The following ERBB4 variants were observed in gnomAD, a reference collection of about 807,000 sequenced individuals.
ERBB4 encodes erb-b2 receptor tyrosine kinase 4.
In ERBB4, 42 loss-of-function variants were observed where a neutral mutation model predicts 158.0. That is an observed-to-expected ratio of 0.27 (90% CI 0.21 to 0.34). The LOEUF (loss-of-function observed/expected upper bound fraction) is 0.34, where lower values mean the gene tolerates loss of function less well. Among genes scored for constraint, ERBB4 ranks in the 10% least tolerant of loss-of-function variants. ERBB4 has a pLI of 1.00. For missense variants in ERBB4, 1,333 were observed against 1,624.1 expected, an observed-to-expected ratio of 0.82 and a Z score of 3.08; for synonymous variants, 583 against 558.7, an observed-to-expected ratio of 1.04 and a Z score of -0.61.
chr2:211,820,311 C>T (rs1316267527), intron 3 of ERBB4, among the ~76,000 whole-genome samples: 1 of 151,700 alleles, frequency 6.6e-6, no homozygotes, highest in Admixed American at 6.6e-5. Flanking sequence ...CAACTATATG[C>T]CAATAAATTT....
rs59741173 is a variant in ERBB4 at position 211,944,177 on chromosome 2, CTATA to C, written c.421+3249_421+3252del. On this transcript the variant is annotated intron_variant, in intron 3 of 27. Transcript: ENST00000342788. ...TATATATATACACTATATATATATA[CTATA>C]TATATATATATATATATACTATATA... Among the ~76,000 whole-genome samples the C allele has an allele frequency of 6.8e-3, 262 of 38,568 alleles. 4 individuals carry two copies. The highest frequency in any genetic ancestry group is 0.019 in the Middle Eastern group (2 of 108). The allele number at this position is 38,568 out of a possible 152,430, so 25.3% of individuals were successfully genotyped here.
intron 20 of ERBB4, among the ~76,000 whole-genome samples, chr2:211,554,518 G>A (rs906391452): frequency 1.3e-5 from 2 of 152,214 alleles, no homozygotes; most frequent in African/African-American, 2.4e-5. Flanking sequence ...AGGGCCTGCA[G>A]GTACAGGCAG....
intron 1 of ERBB4, among the ~76,000 whole-genome samples, chr2:212,296,909 T>C (rs1300317241): frequency 6.6e-6 from 1 of 151,908 alleles, no homozygotes. Flanking sequence ...AGACTCTCCT[T>C]CATGATTTCA....
intron 2 of ERBB4, among the ~76,000 whole-genome samples, chr2:212,056,004 C>A (rs2077554861): frequency 6.6e-6 from 1 of 152,116 alleles, no homozygotes; most frequent in African/African-American, 2.4e-5. Context: ...AGTCTGAACC[C>A]ATCGCAAAGA....
chr2:212,517,901 GTTA>G (rs981444832), intron 1 of ERBB4, among the ~76,000 whole-genome samples: 45 of 152,054 alleles, frequency 3.0e-4, no homozygotes, highest in African/African-American at 1.1e-3. Flanking sequence ...GAGCAACCTT[GTTA>G]TTATAAGAAT....
intron 2 of ERBB4, among the ~76,000 whole-genome samples, chr2:211,969,868 G>A (rs533882072): frequency 1.3e-5 from 2 of 151,796 alleles, no homozygotes; most frequent in South Asian, 2.1e-4. Context: ...TTTTATGAAT[G>A]TTTTTCATGT....
chr2:211,756,226 G>A (rs905363282), intron 4 of ERBB4, among the ~76,000 whole-genome samples: 1 of 152,050 alleles, frequency 6.6e-6, no homozygotes, highest in Non-Finnish European at 1.5e-5. Flanking sequence ...TAATATTTGC[G>A]AAAATATAGG....
chr2:211,816,573 A>T lies in ERBB4; in HGVS notation c.422-28414T>A, dbSNP rs537364797. On this transcript the variant is annotated intron_variant, in intron 3 of 27. Coordinates refer to ENST00000342788, the MANE Select transcript of ERBB4 (RefSeq NM_005235.3). ...AAAAAAAAAAAAAAAAGATATCTTA[A>T]TGTGTATTATTCATGAATAAGCATT... 3.3e-5 allele frequency among the ~76,000 whole-genome samples: 5 copies of T among 151,150 alleles called. No homozygotes were observed. In the East Asian group the frequency reaches 9.7e-4, roughly 29 times the overall value.
At chr2:211,595,720 C>G (rs891530920) in intron 19 of ERBB4, among the ~76,000 whole-genome samples, 1 of 152,158 alleles carries the variant, frequency 6.6e-6, no homozygotes, top group Non-Finnish European at 1.5e-5. Flanking sequence ...TTCAATACAG[C>G]TGACCCTCTG....
chr2:212,153,013 G>A (rs74832664), intron 1 of ERBB4, among the ~76,000 whole-genome samples: 13,874 of 152,052 alleles, frequency 0.091, 1,181 homozygotes, highest in African/African-American at 0.23. Flanking sequence ...AAGGAAAATG[G>A]GCAATTTGCC....
chr2:211,727,821 T>G (rs2074313651), intron 5 of ERBB4, among the ~76,000 whole-genome samples: 1 of 151,964 alleles, frequency 6.6e-6, no homozygotes, highest in Non-Finnish European at 1.5e-5. Context: ...AAGTTTAAAC[T>G]AAAATGGCAC....
intron 19 of ERBB4, among the ~76,000 whole-genome samples, chr2:211,589,115 C>A (rs559514884): frequency 6.6e-6 from 1 of 152,150 alleles, no homozygotes; most frequent in East Asian, 1.9e-4. Context: ...ATTGTGGGCC[C>A]TAGGTAAGAT....
In ERBB4 at chr2:212,231,564, G is replaced by A. The variant is rs927750964; in HGVS notation, c.83-106661C>T. On this transcript the variant is annotated intron_variant, in intron 1 of 27. Transcript: ENST00000342788. The stretch of plus-strand genomic sequence containing the variant: ...AAATGGCAATTACATGGATAACATG[G>A]ACTGCCAAGGTTTATTCTGAAGAAG... 7.2e-5 allele frequency among the ~76,000 whole-genome samples: 11 copies of A among 152,300 alleles called. No homozygotes were observed. In the South Asian group the frequency reaches 1.0e-3, roughly 14 times the overall value.
chr2:212,005,241 T>C (rs113435200), intron 2 of ERBB4, among the ~76,000 whole-genome samples: 2,795 of 152,176 alleles, frequency 0.018, 40 homozygotes, highest in Middle Eastern at 0.031. Flanking sequence ...GAGTTAGCCA[T>C]AAAGCAGAAC....
intron 5 of ERBB4, among the ~76,000 whole-genome samples, chr2:211,737,707 T>C (rs556321283): frequency 6.6e-6 from 1 of 152,320 alleles, no homozygotes; most frequent in East Asian, 1.9e-4. Context: ...TTATGGGAAA[T>C]TATTAATTTG....
chr2:212,320,023 C>A (rs1056259147), intron 1 of ERBB4, among the ~76,000 whole-genome samples: 2 of 149,984 alleles, frequency 1.3e-5, no homozygotes, highest in Admixed American at 1.3e-4. Flanking sequence ...CTCCATACAG[C>A]CCCAAAGCAG....
intron 26 of ERBB4, among the ~76,000 whole-genome samples, chr2:211,387,570 C>A (rs1054046925): frequency 4.6e-5 from 7 of 152,088 alleles, no homozygotes; most frequent in African/African-American, 1.4e-4. Flanking sequence ...TTATTCCCTT[C>A]GAAAATTCTG....
At chr2:212,499,409 T>C (rs1690758726) in intron 1 of ERBB4, among the ~76,000 whole-genome samples, 1 of 152,154 alleles carries the variant, frequency 6.6e-6, no homozygotes, top group African/African-American at 2.4e-5. Flanking sequence ...ATGTTTTATA[T>C]ATTTTACTCT....
chr2:212,437,878 TA>T (rs1211890884), intron 1 of ERBB4, among the ~76,000 whole-genome samples: 4 of 152,132 alleles, frequency 2.6e-5, no homozygotes, highest in Admixed American at 1.3e-4. Context: ...TGACTTACCT[TA>T]AAAAAATCAA....
Sources: gnomAD v4.1 joint callset for allele counts (sites outside exome capture counted in the v4.1 genomes callset) on GRCh38, gnomAD v4.1.1 for gene constraint, MANE v1.5 for transcripts, NCBI Gene and HGNC (gene_info 2026-07-23, HGNC 2026-07-21) for gene names.